Variants in GLB1 observed in about 807,000 individuals in gnomAD.
GLB1 encodes the protein beta-galactosidase.
A neutral mutation model predicts 74.0 loss-of-function variants in GLB1; 56 were observed. That is an observed-to-expected ratio of 0.76 (90% CI 0.61 to 0.94). GLB1 has a LOEUF of 0.94. Ranked by LOEUF, GLB1 falls within the 40% of genes least tolerant of loss-of-function variation. The probability of loss-of-function intolerance (pLI) is 0.00; values close to 1 mark genes in which losing one functional copy is unlikely to be tolerated. For missense variants in GLB1, 787 were observed against 845.5 expected (o/e 0.93, Z 0.86); for synonymous variants, 323 against 323.6 (o/e 1.00, Z 0.02).
chr3:32,987,787 T>A, the GLB1 span, among the ~76,000 whole-genome samples: 1 of 152,150 alleles, frequency 6.6e-6, no homozygotes, highest in African/African-American at 2.4e-5. Context: ...ACCTTAATAG[T>A]TGAATGAATG....
In GLB1 at chr3:33,096,945, C is replaced by CAG. The variant is rs1701057697; in HGVS notation, c.75+64_75+65dup. On this transcript the variant is annotated intron_variant, in intron 1 of 15. Coordinates refer to ENST00000307363, the MANE Select transcript of GLB1 (RefSeq NM_000404.4). ...GCGGGACCGCGGGTGGCTGCGACCC[C>CAG]AGCCCGGTTCCCCGCCAGCCTGTCC... 3.8e-6 allele frequency: 6 copies of CAG among 1,575,394 alleles called. No individual in the cohort carries two copies. In the Admixed American group the frequency reaches 7.4e-5, roughly 19 times the overall value.
At chr3:33,064,369 G>A (rs1361418664) in intron 5 of GLB1, among the ~76,000 whole-genome samples, 15 of 151,316 alleles carry the variant, frequency 9.9e-5, no homozygotes, top group Non-Finnish European at 1.3e-4. Context: ...GAACCTGGGA[G>A]GCAGAGGTTG....
chr3:33,065,442 C>T lies in GLB1; in HGVS notation c.552+21G>A, dbSNP rs76275661. ...ATGGGAACCCCTCCCCCAATCCATC[C>T]ATGCTCAACTCCAGGGTTACCTGCA... On this transcript the variant is annotated intron_variant, in intron 5 of 15. Coordinates refer to ENST00000307363, the MANE Select transcript of GLB1 (RefSeq NM_000404.4). The T allele has an allele frequency of 1.8e-3, 2,861 of 1,565,868 alleles. 68 individuals are homozygous for T. In the African/African-American group the frequency reaches 0.033, roughly 18 times the overall value.
At chr3:33,013,798 T>C (rs1328520374) in intron 15 of GLB1, among the ~76,000 whole-genome samples, 1 of 151,916 alleles carries the variant, frequency 6.6e-6, no homozygotes, top group Non-Finnish European at 1.5e-5. Context: ...TCAAAAGGGG[T>C]CATGATTCTT....
rs755373106 is a variant in GLB1, at chr3:33,053,482, G to A, written c.792+9C>T. ...AGCTGCAAACACACACCTCACCCTC[G>A]ATTCTTACCAAGGGTCCTTTGGGCT... On this transcript the variant is annotated intron_variant, in intron 7 of 15. Transcript: ENST00000307363. 8 of 1,614,076 alleles carry A rather than the reference G, an allele frequency of 5.0e-6. No homozygotes were observed. The South Asian group carries it at 5.5e-5, about 11-fold the overall frequency.
At chr3:33,058,378 T>A in intron 5 of GLB1, 109 bp from the exon 6 acceptor site, 1 of 1,502,056 alleles carries the variant, frequency 6.7e-7, no homozygotes, top group Non-Finnish European at 9.1e-7. Context: ...TGACAAGGCT[T>A]AATGACTGCT....
the GLB1 span, among the ~76,000 whole-genome samples, chr3:32,961,123 A>T: frequency 6.6e-6 from 1 of 152,232 alleles, no homozygotes; most frequent in South Asian, 2.1e-4. Context: ...GTCAAAAATT[A>T]CTTTATTAAG....
At chr3:33,069,026 A>C (rs925987918) in intron 2 of GLB1, 56 bp from the exon 3 acceptor site, 3 of 1,613,880 alleles carry the variant, frequency 1.9e-6, no homozygotes, top group Non-Finnish European at 2.5e-6. Context: ...AGAAGAAAGA[A>C]GCGTGGGGAA....
intron 1 of GLB1, among the ~76,000 whole-genome samples, chr3:33,074,666 AAC>A (rs1700045190): frequency 6.6e-6 from 1 of 152,144 alleles, no homozygotes; most frequent in African/African-American, 2.4e-5. Flanking sequence ...ATAAGGCAGC[AAC>A]AGGCCACAGG....
At chr3:32,961,230 A>G in the GLB1 span, among the ~76,000 whole-genome samples, 1 of 152,240 alleles carries the variant, frequency 6.6e-6, no homozygotes, top group Non-Finnish European at 1.5e-5. Context: ...AAAACCCCCA[A>G]ACTCCATTTG....
intron 9 of GLB1, among the ~76,000 whole-genome samples, chr3:33,051,064 T>TA (rs1698954924): frequency 6.6e-6 from 1 of 151,426 alleles, no homozygotes; most frequent in Non-Finnish European, 1.5e-5. Context: ...CCGTCTCTAC[T>TA]AAAAATACAA....
At chr3:33,025,489 C>A (rs1398796999) in intron 10 of GLB1, among the ~76,000 whole-genome samples, 1 of 152,148 alleles carries the variant, frequency 6.6e-6, no homozygotes, top group East Asian at 1.9e-4. Context: ...TTCTCAAGAT[C>A]CTTCTATTTC....
chr3:33,008,243 G>A (rs920098130), intron 15 of GLB1, among the ~76,000 whole-genome samples: 3 of 152,142 alleles, frequency 2.0e-5, no homozygotes, highest in Non-Finnish European at 2.9e-5. Context: ...ATCCAGGGAG[G>A]GCTTTCTTTG....
At chr3:33,065,636 T>G (rs566255276) in intron 4 of GLB1, 79 bp from the exon 5 acceptor site, 1 of 1,492,508 alleles carries the variant, frequency 6.7e-7, no homozygotes, top group South Asian at 1.2e-5. Context: ...TGGCTTTGAA[T>G]GTGGCCCAAC....
intron 12 of GLB1, among the ~76,000 whole-genome samples, chr3:33,020,458 G>A (rs1312101186): frequency 4.6e-5 from 7 of 152,152 alleles, no homozygotes; most frequent in Admixed American, 1.3e-4. Flanking sequence ...CTGGTCTCAC[G>A]GGCATCCTGC....
intron 9 of GLB1, among the ~76,000 whole-genome samples, chr3:33,047,734 G>T (rs1698798604): frequency 6.6e-6 from 1 of 152,188 alleles, no homozygotes; most frequent in Non-Finnish European, 1.5e-5. Flanking sequence ...AGATGAGCAA[G>T]GCTGAGGATC....
intron 15 of GLB1, among the ~76,000 whole-genome samples, chr3:33,009,730 T>A (rs1052007204): frequency 6.6e-6 from 1 of 152,192 alleles, no homozygotes; most frequent in Non-Finnish European, 1.5e-5. Context: ...AGCATATCCA[T>A]CAGCTCCAAT....
At chr3:33,069,371 T>A (rs757123412) in intron 2 of GLB1, among the ~76,000 whole-genome samples, 13 of 151,794 alleles carry the variant, frequency 8.6e-5, no homozygotes, top group Non-Finnish European at 1.9e-4. Flanking sequence ...GATGACAGAG[T>A]GAGACCCTGT....
chr3:32,998,484 T>C (rs1696409317), intron 15 of GLB1, among the ~76,000 whole-genome samples: 1 of 148,704 alleles, frequency 6.7e-6, no homozygotes, highest in East Asian at 2.0e-4. Context: ...ACTCTAGCCT[T>C]GCGCAGTGAC....
Sources: gnomAD v4.1 joint callset for allele counts (sites outside exome capture counted in the v4.1 genomes callset) on GRCh38, gnomAD v4.1.1 for gene constraint, MANE v1.5 for transcripts, NCBI Gene and HGNC (gene_info 2026-07-23, HGNC 2026-07-21) for gene names.